Variants in THBS4 observed in about 807,000 individuals in gnomAD.
The protein encoded by THBS4 is thrombospondin-4.
In THBS4, 90 loss-of-function variants were observed where a neutral mutation model predicts 115.7. The ratio of observed to expected loss-of-function variants is 0.78; its 90% confidence interval spans 0.66 to 0.93. THBS4 has a LOEUF of 0.93. Ranked by LOEUF, THBS4 falls within the 40% of genes least tolerant of loss-of-function variation. THBS4 has a pLI of 0.00. For missense variants in THBS4, 1,087 were observed against 1,232.7 expected, an observed-to-expected ratio of 0.88 and a Z score of 1.77; for synonymous variants, 460 against 479.3, an observed-to-expected ratio of 0.96 and a Z score of 0.53.
chr5:80,022,747 T>TA lies in THBS4; in HGVS notation n.178-17329dup, dbSNP rs757277544. Among the ~76,000 whole-genome samples, 158 of 152,352 alleles carry TA rather than the reference T, an allele frequency of 1.0e-3. 3 individuals are homozygous for TA. The Middle Eastern group carries it at 0.014, about 13-fold the overall frequency. On this transcript the variant is annotated intron_variant and non_coding_transcript_variant, in intron 2 of 3. Coordinates refer to the THBS4 transcript ENST00000510218. ...AAAACACCTTCTCAAAAGTCATAAA[T>TA]ACGTTCATAACAATGTGGAAATAGC... is the stretch of plus-strand genomic sequence containing the variant.
In THBS4 at chr5:80,070,634, C is replaced by T. The variant is rs755932428; in HGVS notation, c.1453-9C>T. The T allele has an allele frequency of 6.2e-7, 1 of 1,611,438 alleles. No individual in the cohort carries two copies. The highest frequency in any genetic ancestry group is 8.5e-7 in the Non-Finnish European group (1 of 1,177,596). On this transcript the variant is annotated splice_polypyrimidine_tract_variant and intron_variant, in intron 11 of 21. Transcript: ENST00000350881. ...AGGATGTCACTCGGAACTGCATTTT[C>T]CCCCTAAGGACAACTGCAAATATGT...
chr5:80,006,232 C>T (rs970819569), intron 2 of THBS4, among the ~76,000 whole-genome samples: 2 of 152,164 alleles, frequency 1.3e-5, no homozygotes, highest in Non-Finnish European at 2.9e-5. Context: ...TTTGTGTCCC[C>T]ACCCAAATCT....
chr5:80,061,095 T>G (rs187462188), intron 7 of THBS4, among the ~76,000 whole-genome samples: 165 of 152,246 alleles, frequency 1.1e-3, no homozygotes, highest in African/African-American at 3.9e-3. Flanking sequence ...ATCTGTGAGG[T>G]AGAATTTTCC....
chr5:80,079,176 T>A lies in THBS4; in HGVS notation c.2429T>A (p.Val810Glu). Residue 810 changes from valine (V) to glutamate (E), a missense_variant, in exon 19 of 22, where the codon GTG (valine) becomes GAG (glutamate). Val to Glu is a moderately radical substitution (Grantham distance 121). This residue lies in a region of THBS4 where 979 missense variants were observed against 1,103.7 expected (regional missense o/e 0.89). Transcript: ENST00000350881. ...TACCAAGATAGCTCCAGCTTCTACG[T>A]GGTCATGTGGAAGCAGACGGAGCAG... ...FGYQDSSSFYVVMWKQTEQTY... is the reference protein window; with the variant it reads ...FGYQDSSSFYEVMWKQTEQTY... The A allele has an allele frequency of 6.2e-7, 1 of 1,614,234 alleles. No homozygotes were observed. The highest frequency in any genetic ancestry group is 8.5e-7 in the Non-Finnish European group (1 of 1,180,042).
rs1352393118 is a variant in THBS4, at chr5:80,066,673, G to A, written c.1194+1196G>A. On this transcript the variant is annotated intron_variant, in intron 9 of 21. Transcript: ENST00000350881. The stretch of plus-strand genomic sequence containing the variant: ...ACACATCTTCCAGGTTGGCTACAGA[G>A]CCTGAGTTCTTCTCCGCAATGCTAT... The A allele has an allele frequency of 6.6e-5, 10 of 152,356 alleles. 1 individual carries two copies. In the East Asian group the frequency reaches 1.9e-3, roughly 29 times the overall value. The allele number at this position is 152,356 out of a possible 1,614,324, so 9.4% of individuals were successfully genotyped here.
In THBS4 at chr5:80,058,328, G is replaced by A. The variant is rs1357701007; in HGVS notation, c.649+14G>A. The A allele has an allele frequency of 1.3e-6, 2 of 1,544,946 alleles. No homozygotes were observed. Among genetic ancestry groups the A allele is most frequent in the South Asian group, 1.2e-5 (1 of 84,030 alleles). On this transcript the variant is annotated intron_variant, in intron 4 of 21. Coordinates refer to ENST00000350881, the MANE Select transcript of THBS4 (RefSeq NM_003248.6). ...CCACAGGCACAGGTGTGGGCTCTTGGGCAGTTTGCATGCCTTCATCAACAC... is the reference window on the plus strand; with the variant it reads ...CCACAGGCACAGGTGTGGGCTCTTGAGCAGTTTGCATGCCTTCATCAACAC...
At position 80,055,966 on chromosome 5, in the gene THBS4, G is replaced by T; in HGVS notation, c.474G>T (p.Arg158Ser). 6.2e-7 allele frequency: 1 copy of T among 1,613,912 alleles called. No individual in the cohort carries two copies. The highest frequency in any genetic ancestry group is 1.1e-5 in the South Asian group (1 of 91,078). The change falls in exon 3 of 22, where the codon AGG becomes AGT. Residue 158 changes from arginine (R) to serine (S), a missense_variant. Physicochemically the swap from Arg to Ser is moderately radical, Grantham distance 110. This residue lies in a region of THBS4 where 979 missense variants were observed against 1,103.7 expected (regional missense o/e 0.89). Coordinates refer to ENST00000350881, the MANE Select transcript of THBS4 (RefSeq NM_003248.6). ...TGGATTCCGTTCACAATCTCCCCAGGGCCTTTGCTGGCCCCTCCCAGAAAC... is the reference window on the plus strand; with the variant it reads ...TGGATTCCGTTCACAATCTCCCCAGTGCCTTTGCTGGCCCCTCCCAGAAAC... Reference protein sequence around the residue: ...IQVDSVHNLPRAFAGPSQKPE... With the variant: ...IQVDSVHNLPSAFAGPSQKPE...
intron 2 of THBS4, among the ~76,000 whole-genome samples, chr5:80,046,335 A>T (rs931793925): frequency 6.6e-6 from 1 of 152,242 alleles, no homozygotes; most frequent in Non-Finnish European, 1.5e-5. Context: ...ACACATTGGG[A>T]TATTTAGTGA....
At chr5:80,059,373 T>C in intron 5 of THBS4, 67 bp from the exon 6 acceptor site, 1 of 1,490,518 alleles carries the variant, frequency 6.7e-7, no homozygotes, top group Non-Finnish European at 9.3e-7. Context: ...TCCACATGGA[T>C]TCTTTCATTC....
At chr5:80,070,239 C>G (rs951630332) in intron 10 of THBS4, 67 bp from the exon 11 acceptor site, 5 of 1,383,758 alleles carry the variant, frequency 3.6e-6, no homozygotes, top group Non-Finnish European at 4.9e-6. Context: ...GCAGAGAGGC[C>G]CTTGTCAGCC....
intron 3 of THBS4, 149 bp from the exon 4 acceptor site, chr5:80,058,057 A>G: frequency 1.7e-6 from 1 of 600,046 alleles, no homozygotes; most frequent in Non-Finnish European, 2.9e-6. Flanking sequence ...GGCAGGCTTT[A>G]GGAAAAAATG....
At chr5:80,012,187 A>T (rs1342528599) in intron 2 of THBS4, among the ~76,000 whole-genome samples, 2 of 152,200 alleles carry the variant, frequency 1.3e-5, no homozygotes, top group Non-Finnish European at 2.9e-5. Flanking sequence ...AGACCAAGAA[A>T]TACTTAAGGG....
chr5:80,019,071 C>T (rs1832309664), intron 2 of THBS4, among the ~76,000 whole-genome samples: 1 of 150,480 alleles, frequency 6.6e-6, no homozygotes, highest in South Asian at 2.1e-4. Flanking sequence ...TCATGCTTTC[C>T]ACTTCCACTG....
chr5:80,070,574 G>A lies in THBS4; in HGVS notation c.1453-69G>A, dbSNP rs908687895. The A allele has an allele frequency of 4.0e-6, 6 of 1,487,322 alleles. No homozygotes were observed. In the African/African-American group the frequency reaches 6.9e-5, roughly 17 times the overall value. 92.1% of individuals were successfully genotyped at this position (1,487,322 alleles called of 1,614,324 possible). On this transcript the variant is annotated intron_variant, in intron 11 of 21. Transcript: ENST00000350881. ...ACCAACAATAAAGCCACAGTGTCTT[G>A]AGGTCAGAAACAGTTACTGGCTTAA...
At chr5:80,018,192 G>A (rs1408975715) in intron 2 of THBS4, among the ~76,000 whole-genome samples, 1 of 151,758 alleles carries the variant, frequency 6.6e-6, no homozygotes, top group Non-Finnish European at 1.5e-5. Flanking sequence ...TTAGGTGTAT[G>A]GACTTTTTCA....
Position 80,079,160 on chromosome 5 carries a change from A to G in THBS4, c.2413A>G (p.Ser805Gly). Reference sequence around the variant, plus strand: ...AGGCTTTATCTTTGGCTACCAAGATAGCTCCAGCTTCTACGTGGTCATGTG... The same window carrying G: ...AGGCTTTATCTTTGGCTACCAAGATGGCTCCAGCTTCTACGTGGTCATGTG... ...YAGFIFGYQD[S>G]SSFYVVMWKQ... is the part of the protein sequence containing the mutation. Residue 805 changes from serine (S) to glycine (G), a missense_variant, in exon 19 of 22, where the codon AGC (serine) becomes GGC (glycine). Ser to Gly is a moderately conservative substitution (Grantham distance 56). Coordinates refer to ENST00000350881, the MANE Select transcript of THBS4 (RefSeq NM_003248.6). The G allele has an allele frequency of 6.2e-7, 1 of 1,614,236 alleles. No homozygotes were observed. Among genetic ancestry groups the G allele is most frequent in the Non-Finnish European group, 8.5e-7 (1 of 1,180,038 alleles).
At chr5:80,030,992 C>T (rs908755854), upstream of THBS4, among the ~76,000 whole-genome samples, 2 of 152,156 alleles carry the variant, frequency 1.3e-5, no homozygotes, top group Non-Finnish European at 1.5e-5. Flanking sequence ...CCCCCACTTG[C>T]GAAGAATGGT....
In THBS4 at chr5:80,035,505, C is replaced by G. The variant is rs554380164; in HGVS notation, c.-33C>G. On this transcript the variant is annotated 5_prime_UTR_variant, in exon 1 of 22. Transcript: ENST00000350881. This position sits in a 1 kb window ranked among gnomAD's most constrained non-coding sequence, Gnocchi z 4.6. ...CCAGGCGGGGCCAACGCCGCCGTCG[C>G]CCCCGGCCTCGCGGGGAGCAGGAAG... The G allele has an allele frequency of 2.3e-6, 3 of 1,299,324 alleles. No homozygotes were observed. Among genetic ancestry groups the G allele is most frequent in the East Asian group, 6.3e-5 (2 of 31,882 alleles). The allele number at this position is 1,299,324 out of a possible 1,614,324, so 80.5% of individuals were successfully genotyped here. A position where few individuals can be genotyped will look rare whatever the true frequency, so the allele number is the denominator to read the frequency against.
chr5:80,078,674 A>G (rs1041723661), intron 17 of THBS4, among the ~76,000 whole-genome samples: 5 of 152,246 alleles, frequency 3.3e-5, no homozygotes, highest in African/African-American at 1.2e-4. Context: ...GGGCCTGTCC[A>G]ATCAGCTTAA....
Sources: allele counts gnomAD v4.1 joint callset (sites outside exome capture counted in the v4.1 genomes callset), GRCh38; gene constraint gnomAD v4.1.1; regional missense constraint gnomAD v4.1.1; non-coding constraint Gnocchi (gnomAD v3.1); transcripts MANE v1.5; gene names NCBI Gene and HGNC (gene_info 2026-07-23, HGNC 2026-07-21).